Variants in EML4 observed in about 807,000 individuals in gnomAD.
EML4 encodes echinoderm microtubule-associated protein-like 4.
EML4 carries 72 observed loss-of-function variants against 129.0 expected under a neutral mutation model. The ratio of observed to expected loss-of-function variants is 0.56; its 90% CI spans 0.46 to 0.68. The LOEUF is 0.68. Among genes scored for constraint, EML4 ranks in the 30% least tolerant of loss-of-function variants. EML4 has a pLI of 0.00. For synonymous variants in EML4, 532 were observed against 405.0 expected (o/e 1.31, Z -3.77); for missense variants, 1,363 against 1,190.6 (o/e 1.14, Z -2.13).
At chr2:42,179,231 A>T (rs575188057) in intron 1 of EML4, among the ~76,000 whole-genome samples, 1 of 151,040 alleles carries the variant, frequency 6.6e-6, no homozygotes, top group South Asian at 2.1e-4. Flanking sequence ...CAGATGGGGA[A>T]CATCCTATTT....
chr2:42,331,652 A>G lies in EML4; in HGVS notation c.*1445A>G, dbSNP rs1222540029. 5 of 222,894 alleles carry G rather than the reference A, an allele frequency of 2.2e-5. No individual in the cohort carries two copies. The East Asian group carries it at 2.6e-4, about 12-fold the overall frequency. The allele number at this position is 222,894 out of a possible 1,614,324, so 13.8% of individuals were successfully genotyped here. On this transcript the variant is annotated 3_prime_UTR_variant, in exon 23 of 23. Coordinates refer to ENST00000318522, the MANE Select transcript of EML4 (RefSeq NM_019063.5). ...GGCGTTTACGTGATTGTGCCATTCC[A>G]AAGTGCATCAGAACTGTCATTCCCT...
intron 1 of EML4, among the ~76,000 whole-genome samples, chr2:42,239,590 T>C (rs1301361215): frequency 6.6e-6 from 1 of 152,222 alleles, no homozygotes; most frequent in African/African-American, 2.4e-5. Flanking sequence ...TTTACTTTTT[T>C]TCTTAATGAG....
intron 1 of EML4, among the ~76,000 whole-genome samples, chr2:42,172,402 A>G (rs558997465): frequency 1.3e-5 from 2 of 152,358 alleles, no homozygotes; most frequent in South Asian, 2.1e-4. Context: ...AAGACTAGGT[A>G]GTGGTTTTTT....
chr2:42,281,222 T>G (rs1666986201), intron 7 of EML4, among the ~76,000 whole-genome samples: 1 of 151,974 alleles, frequency 6.6e-6, no homozygotes, highest in African/African-American at 2.4e-5. Flanking sequence ...TGAAACCCCA[T>G]CTCTACTAAA....
intron 1 of EML4, among the ~76,000 whole-genome samples, chr2:42,198,029 A>G (rs1269209383): frequency 6.6e-6 from 1 of 152,158 alleles, no homozygotes; most frequent in African/African-American, 2.4e-5. Context: ...TGTGTGCCCC[A>G]TTTGTAAAGT....
intron 1 of EML4, among the ~76,000 whole-genome samples, chr2:42,215,768 G>T (rs1452611600): frequency 1.3e-5 from 2 of 151,996 alleles, no homozygotes; most frequent in Admixed American, 6.5e-5. Context: ...AATCTTTATT[G>T]CTATACCTTC....
At chr2:42,300,977 C>T (rs1157064998) in intron 13 of EML4, among the ~76,000 whole-genome samples, 1 of 152,166 alleles carries the variant, frequency 6.6e-6, no homozygotes, top group Non-Finnish European at 1.5e-5. Flanking sequence ...GGAATTATCA[C>T]TACTTTTGCT....
At position 42,318,405 on chromosome 2, in the gene EML4, C is replaced by G. The variant is rs80355905; in HGVS notation, c.2154+881C>G. ...ATTTAAGCAAAAACTAGGCCATGTA[C>G]TATTTGAGGAAGCAGACTTATTTGC... On this transcript the variant is annotated intron_variant, in intron 19 of 22. Coordinates refer to ENST00000318522, the MANE Select transcript of EML4 (RefSeq NM_019063.5). Among the ~76,000 whole-genome samples the G allele has an allele frequency of 1.1e-4, 16 of 152,236 alleles. No homozygotes were observed. In the East Asian group the frequency reaches 3.1e-3, roughly 29 times the overall value.
At chr2:42,215,707 T>C (rs984268243) in intron 1 of EML4, among the ~76,000 whole-genome samples, 2 of 152,188 alleles carry the variant, frequency 1.3e-5, no homozygotes, top group African/African-American at 4.8e-5. Flanking sequence ...CAGAGTTAAA[T>C]TACTTTTTTC....
At chr2:42,324,911 C>A (rs900509726) in intron 19 of EML4, among the ~76,000 whole-genome samples, 3 of 152,118 alleles carry the variant, frequency 2.0e-5, no homozygotes, top group Non-Finnish European at 4.4e-5. Flanking sequence ...TTATTGAGAC[C>A]TACTGTTCTG....
rs200720798 is a variant in EML4 at position 42,175,996 on chromosome 2, C to CT, written c.25+6373dup. ...TCTGTTTTTTTCGTTGGATCCTAACCTTTTTTTTTTTTTCCCACTTGAACT... is the reference window on the plus strand; with the variant it reads ...TCTGTTTTTTTCGTTGGATCCTAACCTTTTTTTTTTTTTTCCCACTTGAACT... On this transcript the variant is annotated intron_variant, in intron 1 of 22. Transcript: ENST00000318522. Among the ~76,000 whole-genome samples, 904 of 143,402 alleles carry CT rather than the reference C, an allele frequency of 6.3e-3. 4 individuals carry two copies. Among genetic ancestry groups the CT allele is most frequent in the East Asian group, 0.016 (78 of 4,982 alleles). The allele number at this position is 143,402 out of a possible 152,430, so 94.1% of individuals were successfully genotyped here.
At chr2:42,267,662 G>T (rs1666136046) in intron 6 of EML4, among the ~76,000 whole-genome samples, 1 of 152,188 alleles carries the variant, frequency 6.6e-6, no homozygotes, top group Non-Finnish European at 1.5e-5. Flanking sequence ...CAGGAAACTG[G>T]TTGTTGAAAG....
At chr2:42,290,258 A>T (rs1028812990) in intron 11 of EML4, among the ~76,000 whole-genome samples, 7 of 151,912 alleles carry the variant, frequency 4.6e-5, no homozygotes, top group South Asian at 2.1e-4. Flanking sequence ...CCCTGTCTTG[A>T]CCTTATTCTG....
chr2:42,247,666 T>TATTG (rs759019967), intron 2 of EML4, among the ~76,000 whole-genome samples: 1 of 151,676 alleles, frequency 6.6e-6, no homozygotes, highest in Non-Finnish European at 1.5e-5. Flanking sequence ...TTGCTTGATT[T>TATTG]ATTTATTTAT....
chr2:42,176,658 C>T (rs1042861440), intron 1 of EML4, among the ~76,000 whole-genome samples: 5 of 152,116 alleles, frequency 3.3e-5, no homozygotes, highest in Non-Finnish European at 7.3e-5. Context: ...AGTATTCTTC[C>T]GTGAACACTT....
intron 6 of EML4, among the ~76,000 whole-genome samples, chr2:42,276,368 G>A (rs929906982): frequency 1.3e-5 from 2 of 152,102 alleles, no homozygotes; most frequent in Non-Finnish European, 2.9e-5. Flanking sequence ...CTGAGATGGG[G>A]TATGGGGTAT....
chr2:42,216,753 T>C (rs2104069719), intron 1 of EML4, among the ~76,000 whole-genome samples: 1 of 152,358 alleles, frequency 6.6e-6, no homozygotes, highest in African/African-American at 2.4e-5. Flanking sequence ...TGGACTGCTA[T>C]TTTTAACCAT....
intron 1 of EML4, among the ~76,000 whole-genome samples, chr2:42,210,882 T>C (rs1672849443): frequency 1.3e-5 from 2 of 152,216 alleles, no homozygotes; most frequent in South Asian, 4.1e-4. Flanking sequence ...ATTAATTTTA[T>C]ACCACTCAGT....
chr2:42,175,023 G>A (rs1040127130), intron 1 of EML4, among the ~76,000 whole-genome samples: 1 of 151,950 alleles, frequency 6.6e-6, no homozygotes, highest in Admixed American at 6.6e-5. Context: ...CACCATCTTG[G>A]CCAGGCTGGT....
Sources: gnomAD v4.1 joint callset for allele counts (sites outside exome capture counted in the v4.1 genomes callset) on GRCh38, gnomAD v4.1.1 for gene constraint, MANE v1.5 for transcripts, NCBI Gene and HGNC (gene_info 2026-07-23, HGNC 2026-07-21) for gene names.